The following CSMD1 variants were observed in gnomAD, a reference collection of about 807,000 sequenced individuals.
CSMD1 encodes CUB and Sushi multiple domains 1.
In CSMD1, 213 loss-of-function variants were observed where a neutral mutation model predicts 417.5. The observed-to-expected ratio is 0.51, with a 90% CI of 0.46 to 0.57. The LOEUF is 0.57. Among genes scored for constraint, CSMD1 ranks in the 20% least tolerant of loss-of-function variants. CSMD1 has a pLI of 0.00. For missense variants in CSMD1, 6,923 were observed against 4,529.7 expected, an observed-to-expected ratio of 1.53 and a Z score of -15.17; for synonymous variants, 2,862 against 1,736.8, an observed-to-expected ratio of 1.65 and a Z score of -16.11.
Position 4,787,275 on chromosome 8 carries a change from T to A in CSMD1, c.86-149717A>T, listed in dbSNP as rs557600716. On this transcript the variant is annotated intron_variant, in intron 1 of 69. Coordinates refer to ENST00000635120, the MANE Select transcript of CSMD1 (RefSeq NM_033225.6). ...GAGATGCTCTCTGATCACCCCTCTT[T>A]TCTAGAGCTCTGCCTCACTTACCGG... 23 of 623,086 alleles carry A rather than the reference T, an allele frequency of 3.7e-5. No individual in the cohort carries two copies. The African/African-American group carries it at 4.3e-4, about 12-fold the overall frequency. The allele number at this position is 623,086 out of a possible 1,614,324, so 38.6% of individuals were successfully genotyped here. A position where few individuals can be genotyped will look rare whatever the true frequency, so the allele number is the denominator to read the frequency against.
intron 41 of CSMD1, among the ~76,000 whole-genome samples, chr8:3,134,984 T>C (rs1007642729): frequency 2.0e-5 from 3 of 152,236 alleles, no homozygotes; most frequent in African/African-American, 7.2e-5. Flanking sequence ...AGTGCAGTGA[T>C]GTGATGGCAG....
intron 4 of CSMD1, among the ~76,000 whole-genome samples, chr8:4,009,695 A>G (rs1361965784): frequency 6.6e-6 from 1 of 152,026 alleles, no homozygotes; most frequent in Admixed American, 6.5e-5. Flanking sequence ...TGAGGAAGGA[A>G]GGGCCACAAA....
intron 7 of CSMD1, among the ~76,000 whole-genome samples, chr8:3,632,601 C>G (rs1301821380): frequency 6.6e-6 from 1 of 152,070 alleles, no homozygotes; most frequent in African/African-American, 2.4e-5. Context: ...GATTTACTAC[C>G]TAAATGTAAT....
At chr8:3,681,793 C>G (rs189348396) in intron 7 of CSMD1, among the ~76,000 whole-genome samples, 5 of 152,174 alleles carry the variant, frequency 3.3e-5, no homozygotes, top group African/African-American at 9.7e-5. Flanking sequence ...TTAAACTATA[C>G]TACAAGGCTA....
At chr8:3,861,288 C>A (rs531684437) in intron 5 of CSMD1, among the ~76,000 whole-genome samples, 6 of 152,180 alleles carry the variant, frequency 3.9e-5, no homozygotes, top group Admixed American at 3.9e-4. Context: ...ATCATTAAAC[C>A]TTCCTTTGTC....
At chr8:4,556,590 C>T (rs754978393) in intron 2 of CSMD1, among the ~76,000 whole-genome samples, 2 of 152,144 alleles carry the variant, frequency 1.3e-5, no homozygotes, top group African/African-American at 2.4e-5. Flanking sequence ...AAAGAATAAA[C>T]GAATAGTATA....
Position 3,818,537 on chromosome 8 carries a change from C to G in CSMD1, c.819-64495G>C, listed in dbSNP as rs185891331. Among the ~76,000 whole-genome samples, 11 of 152,142 alleles carry G rather than the reference C, an allele frequency of 7.2e-5. No homozygotes were observed. In the East Asian group the frequency reaches 2.1e-3, roughly 30 times the overall value. On this transcript the variant is annotated intron_variant, in intron 5 of 69. Coordinates refer to ENST00000635120, the MANE Select transcript of CSMD1 (RefSeq NM_033225.6). ...AGATTAGACCAGGGTAGGCTTACCCCAAGAAGACAGGAGACTAGCCAGCAT... is the reference window on the plus strand; with the variant it reads ...AGATTAGACCAGGGTAGGCTTACCCGAAGAAGACAGGAGACTAGCCAGCAT...
intron 23 of CSMD1, among the ~76,000 whole-genome samples, chr8:3,329,793 T>G (rs1487084042): frequency 6.6e-6 from 1 of 152,206 alleles, no homozygotes; most frequent in Non-Finnish European, 1.5e-5. Flanking sequence ...GTGAGCCTTT[T>G]CTGCCTTCTC....
chr8:3,990,829 T>C (rs1296127698), intron 5 of CSMD1, among the ~76,000 whole-genome samples: 4 of 152,134 alleles, frequency 2.6e-5, no homozygotes, highest in South Asian at 2.1e-4. Context: ...TATACGCTCC[T>C]GGTAGTGAAT....
At chr8:3,123,750 A>G (rs1817341429) in intron 41 of CSMD1, among the ~76,000 whole-genome samples, 2 of 152,324 alleles carry the variant, frequency 1.3e-5, no homozygotes, top group South Asian at 2.1e-4. Context: ...CTCAATTACC[A>G]GAATACAATA....
At chr8:4,481,259 G>A (rs937963041) in intron 2 of CSMD1, among the ~76,000 whole-genome samples, 1 of 152,206 alleles carries the variant, frequency 6.6e-6, no homozygotes, top group African/African-American at 2.4e-5. Flanking sequence ...ACGTGCCCAT[G>A]CACATTTTCC....
intron 5 of CSMD1, among the ~76,000 whole-genome samples, chr8:3,880,815 A>G (rs1278363302): frequency 3.9e-5 from 6 of 152,216 alleles, no homozygotes; most frequent in African/African-American, 1.4e-4. Flanking sequence ...TTATAAAGAT[A>G]ATTCCTAAAA....
intron 8 of CSMD1, among the ~76,000 whole-genome samples, chr8:3,603,258 G>A (rs897718290): frequency 1.3e-5 from 2 of 152,176 alleles, no homozygotes; most frequent in African/African-American, 4.8e-5. Flanking sequence ...TAGTAACCAT[G>A]AATCCTCCTT....
chr8:3,879,495 C>A (rs947011578), intron 5 of CSMD1, among the ~76,000 whole-genome samples: 10 of 152,094 alleles, frequency 6.6e-5, no homozygotes, highest in African/African-American at 2.2e-4. Flanking sequence ...GGACAGAGAC[C>A]AAGTTACCGT....
chr8:2,997,423 T>G lies in CSMD1; in HGVS notation c.8377+588A>C, dbSNP rs376698862. Among the ~76,000 whole-genome samples, 20 of 152,342 alleles carry G rather than the reference T, an allele frequency of 1.3e-4. No individual in the cohort carries two copies. In the South Asian group the frequency reaches 4.1e-3, roughly 32 times the overall value. ...ACATTGATAAGTTCCTGGCTTCAAT[T>G]TCATCTTAATACCATAAAAAATACT... is the stretch of plus-strand genomic sequence containing the variant. On this transcript the variant is annotated intron_variant, in intron 54 of 69. Coordinates refer to ENST00000635120, the MANE Select transcript of CSMD1 (RefSeq NM_033225.6).
At chr8:3,998,273 T>C (rs78413180) in intron 4 of CSMD1, among the ~76,000 whole-genome samples, 163 bp from the exon 5 acceptor site, 3,121 of 152,318 alleles carry the variant, frequency 0.02, 97 homozygotes, top group East Asian at 0.14. Context: ...ATGAGTTCTA[T>C]GAAAAGGCTT....
chr8:3,534,206 G>A (rs1458378614), intron 10 of CSMD1, among the ~76,000 whole-genome samples: 2 of 152,254 alleles, frequency 1.3e-5, no homozygotes, highest in East Asian at 1.9e-4. Flanking sequence ...CTCCTGCAAT[G>A]CCACGCCCTT....
intron 10 of CSMD1, among the ~76,000 whole-genome samples, chr8:3,512,859 A>C (rs1221047030): frequency 6.6e-6 from 1 of 151,906 alleles, no homozygotes; most frequent in Non-Finnish European, 1.5e-5. Flanking sequence ...GCCTCCCAAA[A>C]TGCTGGGATT....
At chr8:3,911,864 T>C (rs1362272637) in intron 5 of CSMD1, among the ~76,000 whole-genome samples, 1 of 152,222 alleles carries the variant, frequency 6.6e-6, no homozygotes, top group Non-Finnish European at 1.5e-5. Flanking sequence ...CCTTCCCATC[T>C]GTGTTCCATC....
Sources: gnomAD v4.1 joint callset for allele counts (sites outside exome capture counted in the v4.1 genomes callset) on GRCh38, gnomAD v4.1.1 for gene constraint, MANE v1.5 for transcripts, NCBI Gene and HGNC (gene_info 2026-07-23, HGNC 2026-07-21) for gene names.